The following MYO3A variants were observed in gnomAD, a reference collection of about 807,000 sequenced individuals.
MYO3A encodes the protein myosin IIIA.
A neutral mutation model predicts 192.7 loss-of-function variants in MYO3A; 180 were observed. The ratio of observed to expected loss-of-function variants is 0.93; its 90% CI spans 0.83 to 1.06. The LOEUF is 1.06. Ranked by LOEUF, MYO3A falls within the 50% of genes least tolerant of loss-of-function variation. The pLI, the probability that MYO3A is intolerant of heterozygous loss-of-function variation, is 0.00. For missense variants in MYO3A, 1,896 were observed against 1,905.0 expected, an observed-to-expected ratio of 1.00 and a Z score of 0.09; for synonymous variants, 628 against 645.3, an observed-to-expected ratio of 0.97 and a Z score of 0.41.
At chr10:25,984,471 A>C (rs1588703332) in intron 4 of MYO3A, among the ~76,000 whole-genome samples, 1 of 152,182 alleles carries the variant, frequency 6.6e-6, no homozygotes, top group African/African-American at 2.4e-5. Context: ...CCTGGGCCCT[A>C]TGCAAACCAG....
chr10:26,006,609 G>T, intron 6 of MYO3A, among the ~76,000 whole-genome samples: 1 of 152,110 alleles, frequency 6.6e-6, no homozygotes, highest in Admixed American at 6.6e-5. Flanking sequence ...ACACCTCTAC[G>T]CAAATAAACT....
chr10:26,048,411 A>G (rs1843761942), intron 10 of MYO3A, among the ~76,000 whole-genome samples: 1 of 152,120 alleles, frequency 6.6e-6, no homozygotes, highest in South Asian at 2.1e-4. Context: ...TTTAGCAAAA[A>G]GAAAGAAAGA....
chr10:26,174,267 C>G lies in MYO3A; in HGVS notation c.4003C>G (p.Gln1335Glu). ...RLRHETVKERQVEPVTQAQEE... is the reference protein window; with the variant it reads ...RLRHETVKEREVEPVTQAQEE... ...GAGGCATGAGACAGTCAAAGAGAGG[C>G]AAGTTGAACCAGTGACACAGGCCCA... The change falls in exon 30 of 35, where the codon CAA becomes GAA. Residue 1335 changes from glutamine (Q) to glutamate (E), a missense_variant. Transcript: ENST00000642920. The G allele has an allele frequency of 6.2e-7, 1 of 1,613,880 alleles. No homozygotes were observed. Among genetic ancestry groups the G allele is most frequent in the Non-Finnish European group, 8.5e-7 (1 of 1,179,902 alleles).
At chr10:26,173,533 C>T in intron 29 of MYO3A, 130 bp from the exon 30 acceptor site, 1 of 786,834 alleles carries the variant, frequency 1.3e-6, no homozygotes, top group Non-Finnish European at 2.0e-6. Flanking sequence ...TGACTTGATA[C>T]TTTTTAATTT....
rs1224947496 is a variant in MYO3A, at chr10:26,170,389, C to T, written c.3275-27C>T. The stretch of plus-strand genomic sequence containing the variant: ...ATTTCTTTTATTTGTTTATAATTAA[C>T]ACTACTATGGGCTTTCTGTGTTTCA... On this transcript the variant is annotated intron_variant, in intron 28 of 34. Coordinates refer to ENST00000642920, the MANE Select transcript of MYO3A (RefSeq NM_017433.5). 2.5e-6 allele frequency: 4 copies of T among 1,610,274 alleles called. No individual in the cohort carries two copies. In the African/African-American group the frequency reaches 5.4e-5, roughly 22 times the overall value.
At chr10:26,009,968 G>T (rs1841515726) in intron 6 of MYO3A, among the ~76,000 whole-genome samples, 2 of 152,232 alleles carry the variant, frequency 1.3e-5, no homozygotes, top group Admixed American at 1.3e-4. Flanking sequence ...TGAATGAGAA[G>T]TATGCTGTAT....
chr10:26,007,917 A>G (rs939909480), intron 6 of MYO3A, among the ~76,000 whole-genome samples: 5 of 152,300 alleles, frequency 3.3e-5, no homozygotes, highest in Admixed American at 3.3e-4. Flanking sequence ...AAGAGCCTGC[A>G]TCGCTAAGTC....
chr10:25,996,714 T>A lies in MYO3A; in HGVS notation c.408+120T>A, dbSNP rs138980632. ...ACATTAGTATTTATTGATGGAAGAA[T>A]ATATGCAAAATCTGACATGTTCAGC... On this transcript the variant is annotated intron_variant, in intron 5 of 34. Transcript: ENST00000642920. The A allele has an allele frequency of 2.0e-5, 17 of 833,746 alleles. No homozygotes were observed. The African/African-American group carries it at 2.9e-4, about 14-fold the overall frequency. The allele number at this position is 833,746 out of a possible 1,614,324, so 51.6% of individuals were successfully genotyped here. A position where few individuals can be genotyped will look rare whatever the true frequency, so the allele number is the denominator to read the frequency against.
intron 17 of MYO3A, among the ~76,000 whole-genome samples, chr10:26,098,535 ATGGGT>A (rs1479464901): frequency 6.6e-6 from 1 of 152,176 alleles, no homozygotes; most frequent in African/African-American, 2.4e-5. Flanking sequence ...AAGAGTTTTT[ATGGGT>A]TTAGGTCTAA....
At chr10:26,172,301 G>A (rs1291307763) in intron 29 of MYO3A, among the ~76,000 whole-genome samples, 1 of 152,218 alleles carries the variant, frequency 6.6e-6, no homozygotes, top group African/African-American at 2.4e-5. Context: ...GAATACCACA[G>A]CGGGGAGCTG....
At chr10:25,959,692 A>G (rs1287144404) in intron 4 of MYO3A, among the ~76,000 whole-genome samples, 1 of 151,764 alleles carries the variant, frequency 6.6e-6, no homozygotes, top group Non-Finnish European at 1.5e-5. Flanking sequence ...TTGGCTCATC[A>G]TGTAGTAATT....
chr10:26,034,570 T>C (rs1842942523), intron 10 of MYO3A, among the ~76,000 whole-genome samples: 2 of 152,176 alleles, frequency 1.3e-5, no homozygotes, highest in African/African-American at 4.8e-5. Context: ...TTTATTTAGA[T>C]AGGAATCTAT....
intron 34 of MYO3A, among the ~76,000 whole-genome samples, chr10:26,210,816 A>C (rs1404753339): frequency 6.6e-6 from 1 of 151,724 alleles, no homozygotes; most frequent in Non-Finnish European, 1.5e-5. Context: ...CGATGTGTAC[A>C]CTCTAGTCTT....
chr10:26,208,453 C>T (rs1210360541), intron 34 of MYO3A, among the ~76,000 whole-genome samples: 1 of 152,160 alleles, frequency 6.6e-6, no homozygotes, highest in Non-Finnish European at 1.5e-5. Flanking sequence ...CTAGCCATGG[C>T]AACTAGGATC....
rs1839346831 is a variant in MYO3A, at chr10:26,128,519, A to G, written c.2243A>G (p.His748Arg). ...CAAATTCAGTATTATTATAATCAACATGTGTTTGCATGGGAACAGGTAAGT... is the reference window on the plus strand; with the variant it reads ...CAAATTCAGTATTATTATAATCAACGTGTGTTTGCATGGGAACAGGTAAGT... ...NEQIQYYYNQ[H>R]VFAWEQNEYL... The change falls in exon 20 of 35, where the codon CAT becomes CGT. Residue 748 changes from histidine (H) to arginine (R), a missense_variant. Transcript: ENST00000642920. The G allele has an allele frequency of 1.2e-6, 2 of 1,611,516 alleles. No homozygotes were observed. Among genetic ancestry groups the G allele is most frequent in the Non-Finnish European group, 1.7e-6 (2 of 1,178,536 alleles).
chr10:26,037,768 G>A (rs1218060790), intron 10 of MYO3A, among the ~76,000 whole-genome samples: 2 of 152,176 alleles, frequency 1.3e-5, no homozygotes, highest in African/African-American at 4.8e-5. Flanking sequence ...CATCATGGTG[G>A]AAGGGCGAAA....
At chr10:26,049,673 C>CTTTTTTTTTTTTTTTTTTTT (rs66467075) in intron 10 of MYO3A, among the ~76,000 whole-genome samples, 8 of 69,112 alleles carry the variant, frequency 1.2e-4, no homozygotes, top group African/African-American at 2.1e-4. Flanking sequence ...TTCTTTCTTT[C>CTTTTTTTTTTTTTTTTTTTT]TTTTTTTTTT....
intron 10 of MYO3A, among the ~76,000 whole-genome samples, chr10:26,046,719 T>G (rs1204238648): frequency 1.3e-5 from 2 of 152,366 alleles, no homozygotes; most frequent in East Asian, 1.9e-4. Context: ...CCTGAAAAAT[T>G]TTGTAACCCA....
intron 2 of MYO3A, among the ~76,000 whole-genome samples, chr10:25,942,837 A>G (rs766508103): frequency 4.6e-5 from 7 of 150,796 alleles, no homozygotes; most frequent in Non-Finnish European, 8.9e-5. Context: ...CTGTATGTTA[A>G]CCCTTTATCA....
Sources: allele counts gnomAD v4.1 joint callset (sites outside exome capture counted in the v4.1 genomes callset), GRCh38; gene constraint gnomAD v4.1.1; transcripts MANE v1.5; gene names NCBI Gene and HGNC (gene_info 2026-07-23, HGNC 2026-07-21).